Variants in PDK4 observed in about 807,000 individuals in gnomAD.
The protein encoded by PDK4 is pyruvate dehydrogenase kinase, isozyme 4.
Under a neutral mutation model 51.7 loss-of-function variants are expected in PDK4, and 43 were observed. The observed-to-expected ratio is 0.83, with a 90% CI of 0.65 to 1.07. The LOEUF is 1.07. Among genes scored for constraint, PDK4 ranks in the 50% least tolerant of loss-of-function variants. The pLI, the probability that PDK4 is intolerant of heterozygous loss-of-function variation, is 0.00. For missense variants in PDK4, 498 were observed against 503.5 expected, an observed-to-expected ratio of 0.99 and a Z score of 0.10; for synonymous variants, 170 against 176.6, an observed-to-expected ratio of 0.96 and a Z score of 0.30.
intron 3 of PDK4, 152 bp downstream of exon 3, chr7:95,593,547 G>A: frequency 2.1e-6 from 1 of 477,816 alleles, no homozygotes; most frequent in Non-Finnish European, 3.7e-6. Flanking sequence ...CTTCGCTTCT[G>A]AAAAACCAAC....
rs1478917214 is a variant in PDK4 at position 95,587,497 on chromosome 7, C to A, written c.902G>T (p.Arg301Ile). The A allele has an allele frequency of 6.2e-7, 1 of 1,607,450 alleles. No homozygotes were observed. ...ATAACTAAAGAGGCGGTCAATAATT[C>A]TCAGGGGAACACCACCTCCTCTGTC... is the stretch of plus-strand genomic sequence containing the variant. ...ISDRGGGVPL[R>I]IIDRLFSYTY... The change falls in exon 9 of 11, where the codon AGA (arginine) becomes ATA (isoleucine). Residue 301 changes from arginine (R) to isoleucine (I), a missense_variant. Transcript: ENST00000005178.
chr7:95,586,194 G>GTTTGTT (rs1554356809), intron 10 of PDK4, among the ~76,000 whole-genome samples: 5 of 120,810 alleles, frequency 4.1e-5, no homozygotes, highest in Non-Finnish European at 8.0e-5. Context: ...ATGCACCAAG[G>GTTTGTT]TTTTTTTTTT....
At position 95,590,286 on chromosome 7, in the gene PDK4, T is replaced by C. The variant is rs114729182; in HGVS notation, c.695-570A>G. Among the ~76,000 whole-genome samples, 1,194 of 152,270 alleles carry C rather than the reference T, an allele frequency of 7.8e-3. 19 individuals are homozygous for C. The highest frequency in any genetic ancestry group is 0.028 in the African/African-American group (1,160 of 41,560). ...AACTATAATTTTCATATTTTTAATA[T>C]TTAGTAAAATAACACACCTGATTTT... On this transcript the variant is annotated intron_variant, in intron 6 of 10. Transcript: ENST00000005178.
intron 6 of PDK4, among the ~76,000 whole-genome samples, 154 bp downstream of exon 6, chr7:95,591,834 A>G (rs1226809007): frequency 6.6e-6 from 1 of 152,216 alleles, no homozygotes; most frequent in East Asian, 1.9e-4. Context: ...CAGTTGAGAT[A>G]GTTAAAGAGA....
At chr7:95,589,792 C>T in intron 6 of PDK4, 76 bp from the exon 7 acceptor site, 4 of 838,850 alleles carry the variant, frequency 4.8e-6, no homozygotes, top group Non-Finnish European at 8.2e-6. Flanking sequence ...ATGTGATTAA[C>T]ATTTTAGACT....
Position 95,596,495 on chromosome 7 carries a change from T to G in PDK4, c.-202A>C. On this transcript the variant is annotated 5_prime_UTR_variant, in exon 1 of 11. Coordinates refer to ENST00000005178, the MANE Select transcript of PDK4 (RefSeq NM_002612.4). The stretch of plus-strand genomic sequence containing the variant: ...TGGGCAGAGTCGGAGATGCAGTGGT[T>G]CGAGATTCAAGTTCAAGTCTTCCCA... 1 of 523,118 alleles carries G rather than the reference T, an allele frequency of 1.9e-6. No individual in the cohort carries two copies. Among genetic ancestry groups the G allele is most frequent in the East Asian group, 3.6e-5 (1 of 27,864 alleles). 32.4% of individuals were successfully genotyped at this position (523,118 alleles called of 1,614,324 possible).
chr7:95,587,881 T>C lies in PDK4; in HGVS notation c.772-56A>G, dbSNP rs556186582. The stretch of plus-strand genomic sequence containing the variant: ...TGGCAGAGGAATGAGGGACAATAAA[T>C]GTTTTTTTTTTTATGTTTAAAATAA... On this transcript the variant is annotated intron_variant, in intron 7 of 10. Coordinates refer to ENST00000005178, the MANE Select transcript of PDK4 (RefSeq NM_002612.4). 2.4e-5 allele frequency: 27 copies of C among 1,106,722 alleles called. No homozygotes were observed. In the South Asian group the frequency reaches 3.5e-4, roughly 14 times the overall value. 68.6% of individuals were successfully genotyped at this position (1,106,722 alleles called of 1,614,324 possible).
In PDK4 at chr7:95,587,719, A is replaced by G. The variant is rs1358737931; in HGVS notation, c.870+8T>C. 1 of 1,565,902 alleles carries G rather than the reference A, an allele frequency of 6.4e-7. No homozygotes were observed. Among genetic ancestry groups the G allele is most frequent in the East Asian group, 2.2e-5 (1 of 44,648 alleles). On this transcript the variant is annotated splice_region_variant and intron_variant, in intron 8 of 10. Transcript: ENST00000005178. ...GAGACACCCAAAAGGAAAACAGAGA[A>G]TGGTTACCTTAATGGTAAGGTCTTC...
At chr7:95,592,240 T>C (rs1460960387) in intron 5 of PDK4, among the ~76,000 whole-genome samples, 175 bp from the exon 6 acceptor site, 3 of 152,168 alleles carry the variant, frequency 2.0e-5, no homozygotes, top group African/African-American at 2.4e-5. Context: ...AGTGTTTGCA[T>C]TGCAGTTTTA....
rs1484892222 is a variant in PDK4, at chr7:95,584,471, T to C, written c.*1170A>G. On this transcript the variant is annotated 3_prime_UTR_variant, in exon 11 of 11. Coordinates refer to ENST00000005178, the MANE Select transcript of PDK4 (RefSeq NM_002612.4). Reference sequence around the variant, plus strand: ...CATTTCAGGTGTCATTCATTATCTCTCAGTCACAACAACTGACAAATGAAA... The same window carrying C: ...CATTTCAGGTGTCATTCATTATCTCCCAGTCACAACAACTGACAAATGAAA... The C allele has an allele frequency of 6.6e-6, 1 of 152,166 alleles. No homozygotes were observed. The highest frequency in any genetic ancestry group is 2.4e-5 in the African/African-American group (1 of 41,442). The allele number at this position is 152,166 out of a possible 1,614,324, so 9.4% of individuals were successfully genotyped here. A position where few individuals can be genotyped will look rare whatever the true frequency, so the allele number is the denominator to read the frequency against.
In PDK4 at chr7:95,587,724, T is replaced by A. The variant is rs371597484; in HGVS notation, c.870+3A>T. ...ACCCAAAAGGAAAACAGAGAATGGT[T>A]ACCTTAATGGTAAGGTCTTCTTTTC... On this transcript the variant is annotated splice_donor_region_variant and intron_variant, in intron 8 of 10. Coordinates refer to ENST00000005178, the MANE Select transcript of PDK4 (RefSeq NM_002612.4). 5.0e-5 allele frequency: 79 copies of A among 1,574,584 alleles called. 1 individual carries two copies. The highest frequency in any genetic ancestry group is 6.4e-5 in the Non-Finnish European group (73 of 1,143,992).
At chr7:95,596,090 C>T (rs1791615968) in intron 1 of PDK4, 74 bp downstream of exon 1, 4 of 1,460,392 alleles carry the variant, frequency 2.7e-6, no homozygotes, top group Non-Finnish European at 3.7e-6. Context: ...GCCTAGCCCT[C>T]CCTCTACCAA....
chr7:95,584,803 C>A lies in PDK4; in HGVS notation c.*838G>T, dbSNP rs759038489. 3 of 152,500 alleles carry A rather than the reference C, an allele frequency of 2.0e-5. No homozygotes were observed. The highest frequency in any genetic ancestry group is 4.4e-5 in the Non-Finnish European group (3 of 68,014). 9.4% of individuals were successfully genotyped at this position (152,500 alleles called of 1,614,324 possible). A position where few individuals can be genotyped will look rare whatever the true frequency, so the allele number is the denominator to read the frequency against. Reference sequence around the variant, plus strand: ...TCCAATCTACTAATTTATTTATAAACAAAGCAAAGTAAGAGATATTTTTGC... The same window carrying A: ...TCCAATCTACTAATTTATTTATAAAAAAAGCAAAGTAAGAGATATTTTTGC... On this transcript the variant is annotated 3_prime_UTR_variant, in exon 11 of 11. Transcript: ENST00000005178.
Position 95,596,150 on chromosome 7 carries a change from G to C in PDK4, c.130+14C>G, listed in dbSNP as rs746824069. On this transcript the variant is annotated intron_variant, in intron 1 of 10. Coordinates refer to ENST00000005178, the MANE Select transcript of PDK4 (RefSeq NM_002612.4). ...AACCCTAGGACCCAGCTTGGGCCCT[G>C]TGTCCCCTCTCACCAAAGTCCAGTA... 1.3e-6 allele frequency: 2 copies of C among 1,598,258 alleles called. No individual in the cohort carries two copies. The highest frequency in any genetic ancestry group is 4.7e-5 in the East Asian group (2 of 42,638).
chr7:95,596,230 G>T lies in PDK4; in HGVS notation c.64C>A (p.Arg22=). Residue 22 remains arginine, a synonymous_variant, in exon 1 of 11, where the codon CGA becomes AGA. Transcript: ENST00000005178. The part of the protein sequence containing the change: ...GSLNGAGLVP[R]EVEHFSRYSP... ...TAGCGCGAGAAATGCTCCACCTCTC[G>T]GGGCACCAGGCCGGCGCCGTTGAGC... The T allele has an allele frequency of 6.2e-7, 1 of 1,603,160 alleles. No individual in the cohort carries two copies. Among genetic ancestry groups the T allele is most frequent in the Non-Finnish European group, 8.5e-7 (1 of 1,174,966 alleles).
intron 6 of PDK4, among the ~76,000 whole-genome samples, chr7:95,590,525 T>A (rs1791539847): frequency 6.6e-6 from 1 of 152,154 alleles, no homozygotes; most frequent in Admixed American, 6.5e-5. Context: ...AAACACAAGG[T>A]CTGGCACAAT....
At chr7:95,594,278 G>A (rs1297422974) in intron 2 of PDK4, among the ~76,000 whole-genome samples, 1 of 152,132 alleles carries the variant, frequency 6.6e-6, no homozygotes, top group Non-Finnish European at 1.5e-5. Flanking sequence ...ATGCATGTCT[G>A]CTACCTGTGC....
intron 7 of PDK4, among the ~76,000 whole-genome samples, 168 bp from the exon 8 acceptor site, chr7:95,587,993 T>A (rs1447808366): frequency 6.6e-6 from 1 of 152,202 alleles, no homozygotes; most frequent in South Asian, 2.1e-4. Context: ...GAATGGGTCA[T>A]GTAGGATGTA....
At chr7:95,589,260 G>A (rs1195035590) in intron 7 of PDK4, among the ~76,000 whole-genome samples, 2 of 152,210 alleles carry the variant, frequency 1.3e-5, no homozygotes, top group Non-Finnish European at 2.9e-5. Flanking sequence ...GCTGAGTTAG[G>A]AGTAGGACCA....
Sources: gnomAD v4.1 joint callset for allele counts (sites outside exome capture counted in the v4.1 genomes callset) on GRCh38, gnomAD v4.1.1 for gene constraint, MANE v1.5 for transcripts, NCBI Gene and HGNC (gene_info 2026-07-23, HGNC 2026-07-21) for gene names.